Variants in SPAG16 observed in about 807,000 individuals in gnomAD.
SPAG16 encodes sperm associated antigen 16, also known as sperm-associated antigen 16 protein.
A neutral mutation model predicts 80.4 loss-of-function variants in SPAG16; 86 were observed. That is an observed-to-expected ratio of 1.07 (90% CI 0.90 to 1.28). The LOEUF (loss-of-function observed/expected upper bound fraction) is 1.28. Among genes scored for constraint, SPAG16 ranks in the 50% most tolerant of loss-of-function variants. The pLI is 0.00. For synonymous variants in SPAG16, 294 were observed against 265.9 expected (o/e 1.11, Z -1.03); for missense variants, 870 against 765.3 (o/e 1.14, Z -1.61).
At chr2:213,475,634 G>T (rs2073330595) in intron 9 of SPAG16, among the ~76,000 whole-genome samples, 1 of 152,166 alleles carries the variant, frequency 6.6e-6, no homozygotes, top group South Asian at 2.1e-4. Context: ...GAAGCAGAAA[G>T]GACTAGTTGG....
intron 14 of SPAG16, among the ~76,000 whole-genome samples, chr2:214,139,961 A>G (rs957861826): frequency 6.6e-6 from 1 of 152,238 alleles, no homozygotes; most frequent in Non-Finnish European, 1.5e-5. Flanking sequence ...CCTATGACTT[A>G]TAAGGCTCTA....
At chr2:214,207,681 G>T (rs957178623) in intron 15 of SPAG16, among the ~76,000 whole-genome samples, 1 of 152,216 alleles carries the variant, frequency 6.6e-6, no homozygotes, top group African/African-American at 2.4e-5. Flanking sequence ...GGGTGTGTCT[G>T]TGAGGGTGTT....
intron 10 of SPAG16, among the ~76,000 whole-genome samples, chr2:213,656,028 A>G (rs2063209158): frequency 6.6e-6 from 1 of 152,202 alleles, no homozygotes; most frequent in Non-Finnish European, 1.5e-5. Context: ...GTAATTCTTT[A>G]TGTCTAATAA....
At chr2:213,453,726 A>G (rs1365810668) in intron 9 of SPAG16, among the ~76,000 whole-genome samples, 1 of 152,180 alleles carries the variant, frequency 6.6e-6, no homozygotes, top group East Asian at 1.9e-4. Context: ...CTGATGGCCC[A>G]CCTTGGTCTC....
intron 10 of SPAG16, among the ~76,000 whole-genome samples, chr2:213,495,654 TA>T (rs1230991035): frequency 1.3e-5 from 2 of 152,088 alleles, no homozygotes; most frequent in Non-Finnish European, 2.9e-5. Flanking sequence ...TAGAAAAACA[TA>T]AAGTGAGACA....
At chr2:213,585,248 G>A (rs1405452357) in intron 10 of SPAG16, among the ~76,000 whole-genome samples, 1 of 149,802 alleles carries the variant, frequency 6.7e-6, no homozygotes, top group Non-Finnish European at 1.5e-5. Flanking sequence ...CCTTAAAATA[G>A]ATTTCCTGAC....
At chr2:213,519,758 C>A (rs777580809) in intron 10 of SPAG16, among the ~76,000 whole-genome samples, 6 of 148,750 alleles carry the variant, frequency 4.0e-5, no homozygotes, top group Non-Finnish European at 8.8e-5. Flanking sequence ...TCTTCTGTAG[C>A]AATCATACAA....
At chr2:213,801,066 T>A (rs1332051201) in intron 10 of SPAG16, among the ~76,000 whole-genome samples, 1 of 152,176 alleles carries the variant, frequency 6.6e-6, no homozygotes, top group Non-Finnish European at 1.5e-5. Flanking sequence ...AATGTATTAT[T>A]GAAATGTATA....
chr2:214,114,563 T>C (rs2053837254), intron 14 of SPAG16, among the ~76,000 whole-genome samples: 1 of 152,154 alleles, frequency 6.6e-6, no homozygotes, highest in South Asian at 2.1e-4. Flanking sequence ...CAGACTGCTG[T>C]ACTAGCAGTG....
chr2:213,743,120 G>T (rs1427164675), intron 10 of SPAG16, among the ~76,000 whole-genome samples: 3 of 110,438 alleles, frequency 2.7e-5, no homozygotes, highest in Admixed American at 1.0e-4. Flanking sequence ...AGCGAGGATG[G>T]TCTCTATCTC....
At chr2:213,944,495 C>A (rs77019027) in intron 12 of SPAG16, among the ~76,000 whole-genome samples, 1 of 152,124 alleles carries the variant, frequency 6.6e-6, no homozygotes, top group Non-Finnish European at 1.5e-5. Context: ...GGGTTTCACA[C>A]GTTCACAGGG....
chr2:213,318,953 C>T (rs1410689912), intron 5 of SPAG16, among the ~76,000 whole-genome samples: 1 of 151,778 alleles, frequency 6.6e-6, no homozygotes, highest in Non-Finnish European at 1.5e-5. Context: ...CAGATCTCTC[C>T]ACACCTTTCT....
intron 9 of SPAG16, among the ~76,000 whole-genome samples, chr2:213,461,882 A>G (rs2072385214): frequency 6.6e-6 from 1 of 152,050 alleles, no homozygotes; most frequent in African/African-American, 2.4e-5. Context: ...TTTCAGGGAC[A>G]TGGATGTATG....
At chr2:213,490,770 C>T (rs76579691) in intron 10 of SPAG16, among the ~76,000 whole-genome samples, 2,603 of 152,060 alleles carry the variant, frequency 0.017, 74 homozygotes, top group African/African-American at 0.059. Flanking sequence ...ATATAAGTAA[C>T]ATTATTTTCT....
intron 12 of SPAG16, among the ~76,000 whole-genome samples, chr2:213,974,625 GC>G (rs1485426899): frequency 6.6e-6 from 1 of 151,962 alleles, no homozygotes; most frequent in Non-Finnish European, 1.5e-5. Flanking sequence ...CTTCCTATAT[GC>G]CAGGAAATAT....
intron 10 of SPAG16, among the ~76,000 whole-genome samples, chr2:213,611,655 T>G (rs1056038672): frequency 6.6e-6 from 1 of 152,188 alleles, no homozygotes; most frequent in Non-Finnish European, 1.5e-5. Flanking sequence ...TAATAAAATG[T>G]CCAGGGTAAA....
chr2:214,095,287 G>C (rs578133925), intron 13 of SPAG16, among the ~76,000 whole-genome samples: 1 of 151,992 alleles, frequency 6.6e-6, no homozygotes, highest in Non-Finnish European at 1.5e-5. Context: ...ATATAACAGA[G>C]AAAGCAGACA....
At chr2:214,185,202 A>G (rs1433342366) in intron 15 of SPAG16, among the ~76,000 whole-genome samples, 2 of 152,020 alleles carry the variant, frequency 1.3e-5, no homozygotes, top group Admixed American at 6.6e-5. Context: ...TCTAACATAG[A>G]CAATTCAAGA....
intron 11 of SPAG16, among the ~76,000 whole-genome samples, chr2:213,890,777 T>G (rs781612252): frequency 2.0e-5 from 3 of 152,064 alleles, no homozygotes; most frequent in Non-Finnish European, 2.9e-5. Flanking sequence ...ATATTTCTTT[T>G]TATTTATAAA....
Sources: allele counts gnomAD v4.1 joint callset (sites outside exome capture counted in the v4.1 genomes callset), GRCh38; gene constraint gnomAD v4.1.1; transcripts MANE v1.5; gene names NCBI Gene and HGNC (gene_info 2026-07-23, HGNC 2026-07-21).